The following KSR2 variants were observed in gnomAD, a reference collection of about 807,000 sequenced individuals.
The protein encoded by KSR2 is kinase suppressor of ras 2.
A neutral mutation model predicts 107.8 loss-of-function variants in KSR2; 25 were observed. That is an observed-to-expected ratio of 0.23 (90% CI 0.17 to 0.32). The LOEUF is 0.32. Ranked by LOEUF, KSR2 falls within the 10% of genes least tolerant of loss-of-function variation. The pLI, the probability that KSR2 is intolerant of heterozygous loss-of-function variation, is 1.00. For synonymous variants in KSR2, 480 were observed against 507.0 expected, an observed-to-expected ratio of 0.95 and a Z score of 0.71; for missense variants, 887 against 1,268.9, an observed-to-expected ratio of 0.70 and a Z score of 4.57.
At chr12:117,742,512 ATGGATGGATGGATGGATGGG>A (rs1420227441) in intron 4 of KSR2, among the ~76,000 whole-genome samples, 1,373 of 118,438 alleles carry the variant, frequency 0.012, 18 homozygotes, top group African/African-American at 0.039. Flanking sequence ...GATAAAATGG[ATGGATGGATGGATGGATGGG>A]TGGATGGATG....
At chr12:117,811,513 C>T (rs963542453) in intron 3 of KSR2, among the ~76,000 whole-genome samples, 1 of 152,182 alleles carries the variant, frequency 6.6e-6, no homozygotes, top group Non-Finnish European at 1.5e-5. Context: ...TTTCACCAGC[C>T]CTCTAGGAGA....
intron 4 of KSR2, among the ~76,000 whole-genome samples, chr12:117,686,362 G>A (rs1885575460): frequency 6.6e-6 from 1 of 151,326 alleles, no homozygotes; most frequent in Non-Finnish European, 1.5e-5. Context: ...CACCATGCCT[G>A]GCCTCATTTT....
intron 19 of KSR2, among the ~76,000 whole-genome samples, chr12:117,468,421 G>C (rs1871261602): frequency 6.6e-6 from 1 of 152,228 alleles, no homozygotes; most frequent in Non-Finnish European, 1.5e-5. Context: ...TGTCTGTAAA[G>C]TTTATGCTCC....
Position 117,794,294 on chromosome 12 carries a change from C to T in KSR2, c.473-32770G>A, listed in dbSNP as rs1890495442. ...GCACACACACCAACATGCACTCACA[C>T]ACCAACATGCACACACACCAACATG... is the stretch of plus-strand genomic sequence containing the variant. On this transcript the variant is annotated intron_variant, in intron 3 of 19. Coordinates refer to ENST00000339824, the MANE Select transcript of KSR2 (RefSeq NM_173598.6). Among the ~76,000 whole-genome samples, 3 of 83,180 alleles carry T rather than the reference C, an allele frequency of 3.6e-5. 1 individual carries two copies. The highest frequency in any genetic ancestry group is 1.2e-4 in the African/African-American group (2 of 16,264). The allele number at this position is 83,180 out of a possible 152,430, so 54.6% of individuals were successfully genotyped here.
intron 4 of KSR2, among the ~76,000 whole-genome samples, chr12:117,732,677 T>A (rs1436142541): frequency 1.3e-5 from 2 of 152,158 alleles, no homozygotes; most frequent in African/African-American, 4.8e-5. Context: ...GAAGGAGGCC[T>A]CAGCTGGAGG....
chr12:117,858,802 C>T (rs1457181640), intron 2 of KSR2, among the ~76,000 whole-genome samples: 1 of 152,186 alleles, frequency 6.6e-6, no homozygotes. Flanking sequence ...CCTCAGTTTC[C>T]CACTCTGTAC....
intron 1 of KSR2, among the ~76,000 whole-genome samples, chr12:117,898,792 AC>A (rs1212685451): frequency 2.0e-5 from 3 of 152,176 alleles, no homozygotes; most frequent in Admixed American, 6.5e-5. Context: ...CATGGAGGGA[AC>A]TGGAGATTAT....
chr12:117,590,435 C>T (rs1289471180), intron 5 of KSR2, among the ~76,000 whole-genome samples: 1 of 152,124 alleles, frequency 6.6e-6, no homozygotes, highest in Non-Finnish European at 1.5e-5. Context: ...TTTTCTGAGG[C>T]TCGGTTTCTC....
chr12:117,762,759 C>T (rs1168049492), intron 3 of KSR2, among the ~76,000 whole-genome samples: 1 of 151,536 alleles, frequency 6.6e-6, no homozygotes, highest in African/African-American at 2.4e-5. Flanking sequence ...CCCAGCTACT[C>T]AGAAGGCTGA....
At chr12:117,727,801 C>T (rs538871162) in intron 4 of KSR2, among the ~76,000 whole-genome samples, 11 of 151,898 alleles carry the variant, frequency 7.2e-5, no homozygotes, top group Middle Eastern at 3.4e-3. Context: ...TACAGCAACC[C>T]GAGGAAACAA....
intron 3 of KSR2, among the ~76,000 whole-genome samples, chr12:117,787,637 A>T (rs1376402669): frequency 6.6e-6 from 1 of 152,200 alleles, no homozygotes; most frequent in East Asian, 1.9e-4. Context: ...CATCTCAAAA[A>T]AAAAAGAAAG....
chr12:117,941,517 T>A (rs1026932737), intron 1 of KSR2, among the ~76,000 whole-genome samples: 10 of 151,740 alleles, frequency 6.6e-5, no homozygotes, highest in African/African-American at 2.4e-4. Context: ...ACAGATGTAG[T>A]AAAATGACTT....
intron 1 of KSR2, among the ~76,000 whole-genome samples, chr12:117,946,734 C>T (rs1346771264): frequency 2.0e-5 from 3 of 152,098 alleles, no homozygotes; most frequent in Non-Finnish European, 2.9e-5. Context: ...AAAATACTAA[C>T]AAATTAAATC....
At chr12:117,693,133 G>T (rs1461286921) in intron 4 of KSR2, among the ~76,000 whole-genome samples, 1 of 152,180 alleles carries the variant, frequency 6.6e-6, no homozygotes. Context: ...CTAAGAGGAA[G>T]CCTGGGAGGC....
At chr12:117,736,549 C>T (rs981540176) in intron 4 of KSR2, among the ~76,000 whole-genome samples, 1 of 152,186 alleles carries the variant, frequency 6.6e-6, no homozygotes, top group Admixed American at 6.5e-5. Flanking sequence ...GTGGCTCACA[C>T]CTATAATCCC....
In KSR2 at chr12:117,539,803, G is replaced by T; in HGVS notation, c.1603C>A (p.Pro535Thr). 6.2e-7 allele frequency: 1 copy of T among 1,608,448 alleles called. No homozygotes were observed. Among genetic ancestry groups the T allele is most frequent in the South Asian group, 1.1e-5 (1 of 90,654 alleles). ...TSSTPSSPAP[P>T]LPPSATPPSP... is the part of the protein sequence containing the mutation. ...GGCGGCGTGGCACTAGGAGGGAGGG[G>T]GGGTGCTGGCGAGGAGGGCGTGGAG... Residue 535 changes from proline to threonine, a missense_variant, in exon 10 of 20, where the codon CCC (proline) becomes ACC (threonine). This residue lies in a region of KSR2 where 50 missense variants were observed against 43.4 expected (regional missense o/e 1.15). Transcript: ENST00000339824.
At chr12:117,840,830 G>A (rs1203721610) in intron 3 of KSR2, among the ~76,000 whole-genome samples, 3 of 151,996 alleles carry the variant, frequency 2.0e-5, no homozygotes, top group South Asian at 2.1e-4. Flanking sequence ...GTGAAACCCC[G>A]TCTCTACTAA....
chr12:117,664,306 C>T lies in KSR2; in HGVS notation c.1171+3168G>A, dbSNP rs140663842. 1.4e-4 allele frequency among the ~76,000 whole-genome samples: 22 copies of T among 152,260 alleles called. 1 individual carries two copies. In the South Asian group the frequency reaches 4.4e-3, roughly 30 times the overall value. On this transcript the variant is annotated intron_variant, in intron 5 of 19. Coordinates refer to ENST00000339824, the MANE Select transcript of KSR2 (RefSeq NM_173598.6). ...TGCCTAATGCTGTCCCCAGGCGTTACCATCATGGGGTAACAAGATGACGTG... is the reference window on the plus strand; with the variant it reads ...TGCCTAATGCTGTCCCCAGGCGTTATCATCATGGGGTAACAAGATGACGTG...
intron 1 of KSR2, among the ~76,000 whole-genome samples, chr12:117,953,608 G>C (rs1668804982): frequency 6.6e-6 from 1 of 152,178 alleles, no homozygotes; most frequent in South Asian, 2.1e-4. Flanking sequence ...AGAGTATTAA[G>C]TTCATAGAGA....
Sources: allele counts gnomAD v4.1 joint callset (sites outside exome capture counted in the v4.1 genomes callset), GRCh38; gene constraint gnomAD v4.1.1; regional missense constraint gnomAD v4.1.1; transcripts MANE v1.5; gene names NCBI Gene and HGNC (gene_info 2026-07-23, HGNC 2026-07-21).